NRXN3: variants seen among roughly 807,000 people sequenced by gnomAD.
NRXN3 encodes neurexin III.
Under a neutral mutation model 137.6 loss-of-function variants are expected in NRXN3, and 32 were observed. The observed-to-expected ratio is 0.23, with a 90% CI of 0.18 to 0.31. The LOEUF (loss-of-function observed/expected upper bound fraction) is 0.31. Ranked by LOEUF, NRXN3 falls within the 10% of genes least tolerant of loss-of-function variation. The pLI, the probability that NRXN3 is intolerant of heterozygous loss-of-function variation, is 1.00. For synonymous variants in NRXN3, 798 were observed against 784.5 expected, an observed-to-expected ratio of 1.02 and a Z score of -0.29; for missense variants, 1,574 against 2,062.5, an observed-to-expected ratio of 0.76 and a Z score of 4.59.
chr14:78,895,172 C>T (rs1396601882), intron 10 of NRXN3, among the ~76,000 whole-genome samples: 1 of 151,818 alleles, frequency 6.6e-6, no homozygotes, highest in Non-Finnish European at 1.5e-5. Flanking sequence ...TATAAAGGTC[C>T]TAGGTGGCAT....
intron 4 of NRXN3, among the ~76,000 whole-genome samples, chr14:78,429,110 C>G (rs751803450): frequency 7.9e-5 from 12 of 152,172 alleles, no homozygotes; most frequent in Non-Finnish European, 1.5e-4. Context: ...GAGTCTTGCT[C>G]TGTCACCCAG....
intron 16 of NRXN3, among the ~76,000 whole-genome samples, chr14:79,610,626 G>C (rs1214883636): frequency 6.6e-6 from 1 of 152,156 alleles, no homozygotes; most frequent in Admixed American, 6.5e-5. Flanking sequence ...ATACTTACAG[G>C]TGCTTCATCA....
chr14:78,590,958 G>A (rs1036877878), intron 4 of NRXN3, among the ~76,000 whole-genome samples: 2 of 152,136 alleles, frequency 1.3e-5, no homozygotes, highest in African/African-American at 4.8e-5. Context: ...ATTAACAACA[G>A]GAGATGGAAC....
intron 15 of NRXN3, among the ~76,000 whole-genome samples, chr14:79,087,394 G>A (rs1220910208): frequency 6.6e-6 from 1 of 152,092 alleles, no homozygotes; most frequent in Non-Finnish European, 1.5e-5. Context: ...ATAGGAAGTC[G>A]GCACAACAGA....
At chr14:78,983,448 G>A (rs1278662435) in intron 14 of NRXN3, among the ~76,000 whole-genome samples, 1 of 152,158 alleles carries the variant, frequency 6.6e-6, no homozygotes, top group Non-Finnish European at 1.5e-5. Context: ...TGTACACGAT[G>A]CAATACATTT....
At chr14:79,038,592 C>A (rs576955989) in intron 15 of NRXN3, among the ~76,000 whole-genome samples, 1 of 152,196 alleles carries the variant, frequency 6.6e-6, no homozygotes, top group South Asian at 2.1e-4. Context: ...TGGGTATGCT[C>A]TCCTTGCTAT....
chr14:78,343,827 T>G (rs988938695), intron 4 of NRXN3, among the ~76,000 whole-genome samples: 13 of 152,186 alleles, frequency 8.5e-5, no homozygotes, highest in African/African-American at 3.1e-4. Flanking sequence ...ATCAGAATCT[T>G]TGGGCATGGG....
intron 10 of NRXN3, among the ~76,000 whole-genome samples, chr14:78,868,623 C>G (rs1258019520): frequency 6.6e-6 from 1 of 151,848 alleles, no homozygotes; most frequent in African/African-American, 2.4e-5. Context: ...AGTTTGAGAC[C>G]AGCCTGACCA....
Position 78,794,313 on chromosome 14 carries a change from C to T in NRXN3, c.2045-9307C>T, listed in dbSNP as rs1311959120. Among the ~76,000 whole-genome samples, 3 of 152,216 alleles carry T rather than the reference C, an allele frequency of 2.0e-5. No homozygotes were observed. The East Asian group carries it at 5.8e-4, about 29-fold the overall frequency. ...TCAAGAATTGCTTGAACCTGGGAGA[C>T]GAAGGTTGCAGTGAGCCAAGATTGC... On this transcript the variant is annotated intron_variant, in intron 8 of 20. Transcript: ENST00000335750.
intron 4 of NRXN3, among the ~76,000 whole-genome samples, chr14:78,565,745 G>A (rs770337845): frequency 2.0e-5 from 3 of 152,228 alleles, no homozygotes; most frequent in Non-Finnish European, 4.4e-5. Context: ...TGTTCTGCAT[G>A]TAGCCCTGCA....
At chr14:78,379,541 C>A (rs1345398631) in intron 4 of NRXN3, among the ~76,000 whole-genome samples, 2 of 152,128 alleles carry the variant, frequency 1.3e-5, no homozygotes, top group Admixed American at 1.3e-4. Context: ...GCAGAAAAAG[C>A]ACTTGACAAA....
At chr14:79,706,651 G>T (rs908606127) in intron 19 of NRXN3, among the ~76,000 whole-genome samples, 3 of 151,974 alleles carry the variant, frequency 2.0e-5, no homozygotes, top group Non-Finnish European at 4.4e-5. Flanking sequence ...TTGAAATGTG[G>T]CCAGATATGC....
rs898664528 is a variant in NRXN3, at chr14:79,533,783, A to G, written c.3444+66381A>G. Among the ~76,000 whole-genome samples the G allele has an allele frequency of 8.5e-5, 13 of 152,294 alleles. 1 individual carries two copies. The South Asian group carries it at 2.5e-3, about 29-fold the overall frequency. Reference sequence around the variant, plus strand: ...GATAGTAAAATAATTTGGCCATTCTATGAATAGTAAGGACTGCACATGTTA... The same window carrying G: ...GATAGTAAAATAATTTGGCCATTCTGTGAATAGTAAGGACTGCACATGTTA... On this transcript the variant is annotated intron_variant, in intron 16 of 20. Coordinates refer to ENST00000335750, the MANE Select transcript of NRXN3 (RefSeq NM_001330195.2).
chr14:79,324,420 A>G (rs964467101), intron 15 of NRXN3, among the ~76,000 whole-genome samples: 16 of 152,212 alleles, frequency 1.1e-4, no homozygotes, highest in Admixed American at 8.5e-4. Flanking sequence ...GGAAGAGAAA[A>G]TCAGTTCCTT....
rs572621125 is a variant in NRXN3 at position 79,019,592 on chromosome 14, G to A, written c.3262+31451G>A. Among the ~76,000 whole-genome samples the A allele has an allele frequency of 1.8e-4, 28 of 152,248 alleles. No individual in the cohort carries two copies. In the Middle Eastern group the frequency reaches 0.01, roughly 55 times the overall value. Reference sequence around the variant, plus strand: ...GAGGAAAAGAATTATGTCCGTGCTCGGGTGGAAGCAATGCACTTGATAGGT... The same window carrying A: ...GAGGAAAAGAATTATGTCCGTGCTCAGGTGGAAGCAATGCACTTGATAGGT... On this transcript the variant is annotated intron_variant, in intron 15 of 20. Coordinates refer to ENST00000335750, the MANE Select transcript of NRXN3 (RefSeq NM_001330195.2).
intron 15 of NRXN3, among the ~76,000 whole-genome samples, chr14:79,382,672 T>C (rs2094503128): frequency 6.6e-6 from 1 of 152,096 alleles, no homozygotes; most frequent in Non-Finnish European, 1.5e-5. Context: ...TGCAAAAAGA[T>C]ACAAAGAGAC....
Position 79,014,398 on chromosome 14 carries a change from A to G in NRXN3, c.3262+26257A>G, listed in dbSNP as rs80046162. On this transcript the variant is annotated intron_variant, in intron 15 of 20. Coordinates refer to ENST00000335750, the MANE Select transcript of NRXN3 (RefSeq NM_001330195.2). Reference sequence around the variant, plus strand: ...CTTGTGTTAGTTCACTTAGCATAATAGCCTCTAACTCCATTCATGTTGCTG... The same window carrying G: ...CTTGTGTTAGTTCACTTAGCATAATGGCCTCTAACTCCATTCATGTTGCTG... Among the ~76,000 whole-genome samples the G allele has an allele frequency of 7.9e-3, 1,200 of 152,270 alleles. 17 individuals carry two copies. The highest frequency in any genetic ancestry group is 0.027 in the African/African-American group (1,128 of 41,554).
At chr14:79,467,518 A>G in intron 16 of NRXN3, 116 bp downstream of exon 16, 1 of 947,892 alleles carries the variant, frequency 1.1e-6, no homozygotes, top group Non-Finnish European at 1.5e-6. Context: ...CATGCTTATA[A>G]AAATTGTTTT....
intron 15 of NRXN3, among the ~76,000 whole-genome samples, chr14:79,149,196 G>T (rs2059573962): frequency 6.6e-6 from 1 of 152,114 alleles, no homozygotes; most frequent in Non-Finnish European, 1.5e-5. Context: ...ATGTGGGGAT[G>T]CGAGGGAAGC....
Sources: gnomAD v4.1 joint callset for allele counts (sites outside exome capture counted in the v4.1 genomes callset) on GRCh38, gnomAD v4.1.1 for gene constraint, MANE v1.5 for transcripts, NCBI Gene and HGNC (gene_info 2026-07-23, HGNC 2026-07-21) for gene names.